TAFA1: variants seen among roughly 807,000 people sequenced by gnomAD.
TAFA1 encodes the protein TAFA chemokine like family member 1.
Under a neutral mutation model 18.5 loss-of-function variants are expected in TAFA1, and 4 were observed. The observed-to-expected ratio is 0.22, with a 90% CI of 0.11 to 0.49. TAFA1 has a LOEUF of 0.49. TAFA1 is among the 20% of genes least tolerant of loss of function. TAFA1 has a pLI of 0.98. For missense variants in TAFA1, 147 were observed against 169.0 expected (o/e 0.87, Z 0.72); for synonymous variants, 56 against 55.2 (o/e 1.01, Z -0.06).
rs1255557610 is a variant in TAFA1, at chr3:68,386,374, T to C, written c.119-30906T>C. 2.0e-5 allele frequency among the ~76,000 whole-genome samples: 3 copies of C among 152,130 alleles called. No homozygotes were observed. In the East Asian group the frequency reaches 5.8e-4, roughly 29 times the overall value. ...TAGATTGTTCTCTGGTGATGTGTAG[T>C]GACTGAGGTGGTTACGAGTTTTTTT... On this transcript the variant is annotated intron_variant, in intron 2 of 4. Transcript: ENST00000478136.
chr3:68,035,564 G>A (rs377313796), intron 2 of TAFA1, among the ~76,000 whole-genome samples: 9 of 152,088 alleles, frequency 5.9e-5, no homozygotes, highest in African/African-American at 1.4e-4. Context: ...AAGTGCTAAC[G>A]AGGATGTGAA....
intron 2 of TAFA1, among the ~76,000 whole-genome samples, chr3:68,189,479 T>C (rs184542604): frequency 8.5e-4 from 129 of 151,994 alleles, no homozygotes; most frequent in Non-Finnish European, 1.4e-3. Flanking sequence ...TGTGCACATA[T>C]CAAATATGCC....
intron 2 of TAFA1, among the ~76,000 whole-genome samples, chr3:68,344,602 C>A (rs759709652): frequency 6.6e-6 from 1 of 152,132 alleles, no homozygotes; most frequent in African/African-American, 2.4e-5. Context: ...AACTGACTAT[C>A]AAGTAACCTC....
chr3:68,157,336 T>C (rs1419852010), intron 2 of TAFA1, among the ~76,000 whole-genome samples: 1 of 152,130 alleles, frequency 6.6e-6, no homozygotes, highest in Non-Finnish European at 1.5e-5. Flanking sequence ...CCAAGAGATA[T>C]TAAAAATAAT....
At chr3:68,324,370 AAT>A (rs1458250031) in intron 2 of TAFA1, among the ~76,000 whole-genome samples, 1 of 152,178 alleles carries the variant, frequency 6.6e-6, no homozygotes, top group African/African-American at 2.4e-5. Context: ...CATAATACAA[AAT>A]ATGTTTGAAA....
chr3:68,112,710 A>C (rs1454867212), intron 2 of TAFA1, among the ~76,000 whole-genome samples: 1 of 152,140 alleles, frequency 6.6e-6, no homozygotes, highest in Non-Finnish European at 1.5e-5. Flanking sequence ...TAAAATAATT[A>C]ATAGGTGATA....
chr3:68,210,469 T>C (rs947408342), intron 2 of TAFA1, among the ~76,000 whole-genome samples: 3 of 152,030 alleles, frequency 2.0e-5, no homozygotes, highest in African/African-American at 7.2e-5. Context: ...AAAGGGATCA[T>C]ATCCTCCAGG....
chr3:68,287,911 G>GC (rs1342788965), intron 2 of TAFA1, among the ~76,000 whole-genome samples: 1 of 132,912 alleles, frequency 7.5e-6, no homozygotes, highest in Non-Finnish European at 1.6e-5. Flanking sequence ...TTTTGTTGGG[G>GC]GGTGGGGGGG....
intron 2 of TAFA1, among the ~76,000 whole-genome samples, chr3:68,295,369 A>T (rs1027158101): frequency 1.3e-5 from 2 of 152,176 alleles, no homozygotes; most frequent in Admixed American, 1.3e-4. Flanking sequence ...TGTTAGGAAA[A>T]TCAGTGCTTT....
At chr3:68,514,664 A>G (rs554112362) in intron 3 of TAFA1, among the ~76,000 whole-genome samples, 9 of 152,236 alleles carry the variant, frequency 5.9e-5, no homozygotes, top group African/African-American at 1.9e-4. Context: ...CAGTAGTAAT[A>G]AAAATGCTAC....
chr3:68,312,478 A>C (rs868295677), intron 2 of TAFA1, among the ~76,000 whole-genome samples: 1 of 152,116 alleles, frequency 6.6e-6, no homozygotes, highest in Non-Finnish European at 1.5e-5. Flanking sequence ...GATACCCTAA[A>C]CCATCTCTCT....
chr3:68,222,200 G>T (rs1022635314), intron 2 of TAFA1, among the ~76,000 whole-genome samples: 5 of 150,924 alleles, frequency 3.3e-5, no homozygotes, highest in African/African-American at 1.2e-4. Flanking sequence ...CCTAAAAACA[G>T]TTGATGTAGT....
At chr3:68,370,992 G>A (rs899785366) in intron 2 of TAFA1, among the ~76,000 whole-genome samples, 22 of 151,832 alleles carry the variant, frequency 1.4e-4, no homozygotes, top group African/African-American at 4.4e-4. Flanking sequence ...TTGAACTACC[G>A]TAATAATCTA....
chr3:68,188,848 T>C (rs899017087), intron 2 of TAFA1, among the ~76,000 whole-genome samples: 5 of 151,862 alleles, frequency 3.3e-5, no homozygotes, highest in African/African-American at 1.2e-4. Flanking sequence ...GGGGGTTTTT[T>C]GTTGTTTTTT....
intron 2 of TAFA1, among the ~76,000 whole-genome samples, chr3:68,147,470 A>G (rs986440181): frequency 7.9e-5 from 12 of 151,936 alleles, no homozygotes; most frequent in African/African-American, 2.9e-4. Flanking sequence ...GCCTCATGCA[A>G]CGTGCCATGC....
chr3:68,531,629 T>C (rs760316332), intron 3 of TAFA1, among the ~76,000 whole-genome samples: 1 of 152,158 alleles, frequency 6.6e-6, no homozygotes, highest in Non-Finnish European at 1.5e-5. Context: ...TTTTGCTTCT[T>C]AGAGCACGTG....
chr3:68,451,220 A>T (rs373205760), intron 3 of TAFA1, among the ~76,000 whole-genome samples: 63 of 152,342 alleles, frequency 4.1e-4, no homozygotes, highest in African/African-American at 1.5e-3. Context: ...ATGCAATATA[A>T]GGACAATAGG....
intron 2 of TAFA1, among the ~76,000 whole-genome samples, chr3:68,254,694 C>T (rs946573154): frequency 6.6e-6 from 1 of 151,830 alleles, no homozygotes; most frequent in African/African-American, 2.4e-5. Context: ...TACAGATGAT[C>T]CCAGGATTTA....
intron 2 of TAFA1, among the ~76,000 whole-genome samples, chr3:68,341,229 G>T (rs1043695197): frequency 6.6e-6 from 1 of 152,134 alleles, no homozygotes; most frequent in Non-Finnish European, 1.5e-5. Flanking sequence ...GGATAATTTG[G>T]TGGTTAGGGG....
Sources: gnomAD v4.1 joint callset for allele counts (sites outside exome capture counted in the v4.1 genomes callset) on GRCh38, gnomAD v4.1.1 for gene constraint, MANE v1.5 for transcripts, NCBI Gene and HGNC (gene_info 2026-07-23, HGNC 2026-07-21) for gene names.